The following PSD3 variants were observed in gnomAD, a reference collection of about 807,000 sequenced individuals.
PSD3 encodes the protein pleckstrin and Sec7 domain containing 3.
In PSD3, 49 loss-of-function variants were observed where a neutral mutation model predicts 105.5. The observed-to-expected ratio is 0.46, with a 90% confidence interval of 0.37 to 0.59. The LOEUF (loss-of-function observed/expected upper bound fraction) is 0.59. PSD3 is among the 20% of genes least tolerant of loss of function. The pLI is 0.00. For missense variants in PSD3, 1,561 were observed against 1,263.8 expected (o/e 1.24, Z -3.57); for synonymous variants, 557 against 457.8 (o/e 1.22, Z -2.77).
At chr8:18,881,913 A>C (rs574335384) in intron 2 of PSD3, among the ~76,000 whole-genome samples, 90 of 152,326 alleles carry the variant, frequency 5.9e-4, no homozygotes, top group African/African-American at 2.0e-3. Context: ...GATACCAATT[A>C]ATAGAAGGTG....
chr8:18,788,974 G>T (rs1219178783), intron 8 of PSD3, among the ~76,000 whole-genome samples: 1 of 152,228 alleles, frequency 6.6e-6, no homozygotes, highest in East Asian at 1.9e-4. Flanking sequence ...GACTACAGTG[G>T]ATATTCAATG....
At chr8:18,932,706 G>T (rs1821825566) in intron 2 of PSD3, among the ~76,000 whole-genome samples, 1 of 152,134 alleles carries the variant, frequency 6.6e-6, no homozygotes, top group Admixed American at 6.6e-5. Context: ...GCCTTAGGAG[G>T]CCCTACATGA....
chr8:18,744,692 A>C (rs958716191), intron 9 of PSD3, among the ~76,000 whole-genome samples: 1 of 152,216 alleles, frequency 6.6e-6, no homozygotes, highest in Non-Finnish European at 1.5e-5. Context: ...TTAACATCTT[A>C]CGTAACCATC....
intron 4 of PSD3, among the ~76,000 whole-genome samples, chr8:18,842,232 C>T (rs1435050666): frequency 1.3e-5 from 2 of 152,230 alleles, no homozygotes; most frequent in South Asian, 4.1e-4. Context: ...CTCTATGCGA[C>T]ATCACTATGT....
intron 10 of PSD3, among the ~76,000 whole-genome samples, chr8:18,646,874 C>T (rs912892187): frequency 4.6e-5 from 7 of 152,078 alleles, no homozygotes; most frequent in Non-Finnish European, 8.8e-5. Flanking sequence ...CTTCTTTACT[C>T]GGAAAAAGAG....
chr8:18,812,008 C>T (rs766599500), intron 4 of PSD3, among the ~76,000 whole-genome samples: 3 of 152,098 alleles, frequency 2.0e-5, no homozygotes, highest in East Asian at 1.9e-4. Context: ...TATTAAATAA[C>T]GATTGCTTAC....
intron 14 of PSD3, among the ~76,000 whole-genome samples, chr8:18,567,664 T>G (rs1458888597): frequency 6.6e-6 from 1 of 152,218 alleles, no homozygotes; most frequent in African/African-American, 2.4e-5. Context: ...TTCTTACTAC[T>G]AGTCTTTCTG....
chr8:18,613,015 G>C (rs749236027), intron 11 of PSD3, among the ~76,000 whole-genome samples: 8 of 143,482 alleles, frequency 5.6e-5, no homozygotes, highest in Non-Finnish European at 7.7e-5. Context: ...TTGGAAAACA[G>C]GTCAGAACAC....
At chr8:18,774,927 A>G (rs1807896069) in intron 8 of PSD3, 1 of 456,016 alleles carries the variant, frequency 2.2e-6, no homozygotes, top group African/African-American at 2.0e-5. Flanking sequence ...ACGGCTGCAA[A>G]AGCCACCACC....
chr8:18,647,389 A>G (rs905276410), intron 10 of PSD3, among the ~76,000 whole-genome samples: 1 of 152,228 alleles, frequency 6.6e-6, no homozygotes, highest in African/African-American at 2.4e-5. Context: ...ATTAGCAAAT[A>G]CAGCAAATGT....
chr8:18,753,860 T>G (rs1805803252), intron 9 of PSD3, among the ~76,000 whole-genome samples: 1 of 152,212 alleles, frequency 6.6e-6, no homozygotes, highest in Admixed American at 6.5e-5. Context: ...AGTGCTGTAA[T>G]GCAGCCATTC....
rs543746985 is a variant in PSD3 at position 18,912,903 on chromosome 8, C to T, written c.130+23131G>A. 2.0e-5 allele frequency among the ~76,000 whole-genome samples: 3 copies of T among 152,176 alleles called. No individual in the cohort carries two copies. The South Asian group carries it at 6.2e-4, about 32-fold the overall frequency. On this transcript the variant is annotated intron_variant, in intron 2 of 15. Transcript: ENST00000327040. ...TTGAGAGAAACAGTTACCATGCTGT[C>T]ACAATGACAAAAGCCCCAAGTGGGC...
At chr8:18,785,884 T>C (rs1451765028) in intron 8 of PSD3, among the ~76,000 whole-genome samples, 1 of 152,168 alleles carries the variant, frequency 6.6e-6, no homozygotes, top group African/African-American at 2.4e-5. Context: ...TCAAAACATA[T>C]ATATTTATCA....
rs141933318 is a variant in PSD3, at chr8:18,629,711, C to T, written c.2410+2902G>A. ...TAACCGTCATAGGATGGGAGTAATA[C>T]GAGAAGCAATTACTGCCAAAAGTAC... On this transcript the variant is annotated intron_variant, in intron 11 of 15. Transcript: ENST00000327040. Among the ~76,000 whole-genome samples, 341 of 151,950 alleles carry T rather than the reference C, an allele frequency of 2.2e-3. 1 individual carries two copies. Among genetic ancestry groups the T allele is most frequent in the African/African-American group, 7.5e-3 (313 of 41,484 alleles).
intron 4 of PSD3, among the ~76,000 whole-genome samples, chr8:18,821,309 G>T (rs889500147): frequency 2.0e-5 from 3 of 151,534 alleles, no homozygotes; most frequent in Non-Finnish European, 2.9e-5. Context: ...AAATGAGAAT[G>T]ATATTTTGTA....
At chr8:18,937,072 G>A (rs1348070833) in intron 1 of PSD3, among the ~76,000 whole-genome samples, 1 of 152,204 alleles carries the variant, frequency 6.6e-6, no homozygotes, top group Admixed American at 6.5e-5. Flanking sequence ...AGGTGATGGT[G>A]AAAGTGGTAC....
intron 15 of PSD3, among the ~76,000 whole-genome samples, chr8:18,541,885 G>C (rs3780101): frequency 0.79 from 119,219 of 151,594 alleles, 46,847 homozygotes; most frequent in East Asian, 0.86. Flanking sequence ...CAAGTAGCTG[G>C]GATTACAGGT....
chr8:18,674,558 T>G (rs988563761), intron 9 of PSD3, among the ~76,000 whole-genome samples: 3 of 152,268 alleles, frequency 2.0e-5, no homozygotes, highest in Admixed American at 2.0e-4. Context: ...AGAGTTAAGT[T>G]TTTTTGCTAT....
At chr8:19,064,140 C>G (rs892345121) in intron 1 of PSD3, among the ~76,000 whole-genome samples, 1 of 148,482 alleles carries the variant, frequency 6.7e-6, no homozygotes, top group African/African-American at 2.5e-5. Flanking sequence ...GACTCTGTCT[C>G]AAAAAAAAAG....
Sources: allele counts gnomAD v4.1 joint callset (sites outside exome capture counted in the v4.1 genomes callset), GRCh38; gene constraint gnomAD v4.1.1; transcripts MANE v1.5; gene names NCBI Gene and HGNC (gene_info 2026-07-23, HGNC 2026-07-21).